The following LRMDA variants were observed in gnomAD, a reference collection of about 807,000 sequenced individuals.
LRMDA encodes leucine-rich melanocyte differentiation-associated protein.
LRMDA carries 18 observed loss-of-function variants against 29.8 expected under a neutral mutation model. That is an observed-to-expected ratio of 0.60 (90% CI 0.42 to 0.90). The LOEUF (loss-of-function observed/expected upper bound fraction) is 0.90, where lower values mean the gene tolerates loss of function less well. Ranked by LOEUF, LRMDA falls within the 40% of genes least tolerant of loss-of-function variation. LRMDA has a pLI of 0.00. For synonymous variants in LRMDA, 125 were observed against 109.4 expected, an observed-to-expected ratio of 1.14 and a Z score of -0.89; for missense variants, 273 against 273.9, an observed-to-expected ratio of 1.00 and a Z score of 0.02.
rs1314885124 is a variant in LRMDA at position 75,512,039 on chromosome 10, C to T, written c.131+73545C>T. On this transcript the variant is annotated intron_variant, in intron 2 of 6. Transcript: ENST00000611255. ...AGGGGCAAGGAGGTTCTGTCATGTA[C>T]CAGGTTTGTAGTAGGTTCTCACTTG... 2.0e-5 allele frequency among the ~76,000 whole-genome samples: 3 copies of T among 152,220 alleles called. No individual in the cohort carries two copies. The East Asian group carries it at 5.8e-4, about 29-fold the overall frequency.
At chr10:76,107,660 C>T (rs1354256332) in intron 5 of LRMDA, among the ~76,000 whole-genome samples, 1 of 152,190 alleles carries the variant, frequency 6.6e-6, no homozygotes, top group Admixed American at 6.5e-5. Context: ...GTCCTTTAGC[C>T]CTCACAGCTT....
intron 3 of LRMDA, 149 bp from the exon 4 acceptor site, chr10:76,047,015 A>C: frequency 2.5e-6 from 2 of 813,138 alleles, no homozygotes; most frequent in Non-Finnish European, 1.9e-6. Flanking sequence ...AAAAAGTAGC[A>C]ATACCGTATA....
intron 2 of LRMDA, among the ~76,000 whole-genome samples, chr10:76,035,627 T>C (rs1848228533): frequency 6.6e-6 from 1 of 152,148 alleles, no homozygotes. Flanking sequence ...GGAATGAAGG[T>C]GAACTGTGAC....
chr10:75,434,276 ACAGTGTTGTG>A (rs1471657475), intron 1 of LRMDA, among the ~76,000 whole-genome samples: 1 of 152,196 alleles, frequency 6.6e-6, no homozygotes, highest in Non-Finnish European at 1.5e-5. Context: ...GGTGCCAAGG[ACAGTGTTGTG>A]CACTTTTAAT....
intron 6 of LRMDA, among the ~76,000 whole-genome samples, chr10:76,521,080 GT>G (rs1843114252): frequency 6.6e-6 from 1 of 150,666 alleles, no homozygotes; most frequent in Non-Finnish European, 1.5e-5. Context: ...CATGTTCTAT[GT>G]TAGCATGGTT....
At chr10:75,839,114 T>C (rs1333389789) in intron 2 of LRMDA, among the ~76,000 whole-genome samples, 1 of 152,228 alleles carries the variant, frequency 6.6e-6, no homozygotes, top group Admixed American at 6.5e-5. Flanking sequence ...CAGTTGTCAT[T>C]TGTTAAAGTG....
At chr10:75,750,041 C>T (rs1312558519) in intron 2 of LRMDA, among the ~76,000 whole-genome samples, 1 of 152,246 alleles carries the variant, frequency 6.6e-6, no homozygotes, top group Non-Finnish European at 1.5e-5. Flanking sequence ...TACACAGACA[C>T]TGTAACAATC....
chr10:75,824,303 G>A (rs761849487), intron 2 of LRMDA, among the ~76,000 whole-genome samples: 1 of 152,016 alleles, frequency 6.6e-6, no homozygotes, highest in Non-Finnish European at 1.5e-5. Flanking sequence ...TTTCTATTGG[G>A]CAATGCTGGT....
At chr10:76,455,769 A>G (rs1209060790) in intron 6 of LRMDA, among the ~76,000 whole-genome samples, 1 of 152,082 alleles carries the variant, frequency 6.6e-6, no homozygotes, top group East Asian at 1.9e-4. Flanking sequence ...CAGAGGGTAT[A>G]TGACAAGGGC....
chr10:76,453,156 A>G (rs1206663685), intron 6 of LRMDA, among the ~76,000 whole-genome samples: 1 of 152,264 alleles, frequency 6.6e-6, no homozygotes, highest in Non-Finnish European at 1.5e-5. Flanking sequence ...GATTCCCTGC[A>G]GGGCACAGTT....
chr10:76,370,338 A>G (rs1377127662), intron 6 of LRMDA, among the ~76,000 whole-genome samples: 1 of 152,102 alleles, frequency 6.6e-6, no homozygotes, highest in Non-Finnish European at 1.5e-5. Context: ...CTGGGGTCAT[A>G]TTGTTTTTAT....
chr10:75,600,610 G>A (rs563398636), intron 2 of LRMDA, among the ~76,000 whole-genome samples: 202 of 152,312 alleles, frequency 1.3e-3, no homozygotes, highest in African/African-American at 4.5e-3. Flanking sequence ...GGCTTCTGGG[G>A]CTAAAGTTCC....
At chr10:75,608,638 A>T (rs1840990346) in intron 2 of LRMDA, among the ~76,000 whole-genome samples, 1 of 152,058 alleles carries the variant, frequency 6.6e-6, no homozygotes, top group South Asian at 2.1e-4. Context: ...CAATAACAAA[A>T]CCCAAGAGCC....
intron 2 of LRMDA, among the ~76,000 whole-genome samples, chr10:75,859,682 A>C (rs1844889799): frequency 1.3e-5 from 2 of 150,056 alleles, no homozygotes; most frequent in Admixed American, 6.7e-5. Context: ...CATTGCAATT[A>C]TTTTCTTCTA....
chr10:76,456,674 A>G (rs986940478), intron 6 of LRMDA, among the ~76,000 whole-genome samples: 1 of 150,958 alleles, frequency 6.6e-6, no homozygotes, highest in Admixed American at 6.6e-5. Context: ...AAAAAAAGGC[A>G]CTATTTCAGA....
intron 2 of LRMDA, among the ~76,000 whole-genome samples, chr10:75,583,937 A>G (rs1447568603): frequency 6.6e-6 from 1 of 152,006 alleles, no homozygotes; most frequent in East Asian, 1.9e-4. Context: ...TGTGTCTCCC[A>G]CACAGTTCCT....
intron 5 of LRMDA, among the ~76,000 whole-genome samples, chr10:76,285,039 C>T (rs947811308): frequency 7.2e-5 from 11 of 152,072 alleles, no homozygotes; most frequent in African/African-American, 2.4e-5. Flanking sequence ...TTTTTGATTT[C>T]CATGTTTCCC....
rs188488023 is a variant in LRMDA, at chr10:76,273,314, A to T, written c.517-51087A>T. Among the ~76,000 whole-genome samples the T allele has an allele frequency of 3.6e-3, 545 of 152,258 alleles. 1 individual carries two copies. Among genetic ancestry groups the T allele is most frequent in the Middle Eastern group, 0.01 (3 of 292 alleles). On this transcript the variant is annotated intron_variant, in intron 5 of 6. Transcript: ENST00000611255. ...GGATTCCTTTTGTTGAATTTTGTGTAAATATTTAGGGTATTTACACCTTGA... is the reference window on the plus strand; with the variant it reads ...GGATTCCTTTTGTTGAATTTTGTGTTAATATTTAGGGTATTTACACCTTGA...
chr10:75,441,086 T>C (rs944844844), intron 2 of LRMDA, among the ~76,000 whole-genome samples: 4 of 150,846 alleles, frequency 2.7e-5, no homozygotes, highest in African/African-American at 7.3e-5. Context: ...AGGGGGAAAA[T>C]AGGGAGAAGA....
Sources: allele counts gnomAD v4.1 joint callset (sites outside exome capture counted in the v4.1 genomes callset), GRCh38; gene constraint gnomAD v4.1.1; transcripts MANE v1.5; gene names NCBI Gene and HGNC (gene_info 2026-07-23, HGNC 2026-07-21).